ATXN1: variants seen among roughly 807,000 people sequenced by gnomAD.
ATXN1 encodes the protein ataxin-1.
In ATXN1, 8 loss-of-function variants were observed where a neutral mutation model predicts 56.4. The ratio of observed to expected loss-of-function variants is 0.14; its 90% CI spans 0.08 to 0.26. ATXN1 has a LOEUF of 0.26. Ranked by LOEUF, ATXN1 falls within the 10% of genes least tolerant of loss-of-function variation. ATXN1 has a pLI of 1.00. For synonymous variants in ATXN1, 514 were observed against 494.6 expected, an observed-to-expected ratio of 1.04 and a Z score of -0.52; for missense variants, 987 against 1,106.5, an observed-to-expected ratio of 0.89 and a Z score of 1.53.
chr6:16,427,885 C>T (rs984488460), intron 6 of ATXN1, among the ~76,000 whole-genome samples: 21 of 152,188 alleles, frequency 1.4e-4, no homozygotes, highest in African/African-American at 5.1e-4. Flanking sequence ...TGTTCTGAAA[C>T]ACTCTATAAA....
At chr6:16,604,392 T>C (rs1762964981) in intron 3 of ATXN1, among the ~76,000 whole-genome samples, 1 of 150,960 alleles carries the variant, frequency 6.6e-6, no homozygotes, top group African/African-American at 2.4e-5. Flanking sequence ...GCTACTCAAC[T>C]GACTGAGGTG....
intron 6 of ATXN1, among the ~76,000 whole-genome samples, chr6:16,448,826 C>A (rs551273902): frequency 1.3e-5 from 2 of 152,314 alleles, no homozygotes; most frequent in South Asian, 2.1e-4. Context: ...ATGTCCCTAG[C>A]AGAGATCAAG....
At chr6:16,687,536 G>A (rs187014512) in intron 2 of ATXN1, among the ~76,000 whole-genome samples, 2 of 151,896 alleles carry the variant, frequency 1.3e-5, no homozygotes, top group East Asian at 1.9e-4. Flanking sequence ...ACTTTAGAGA[G>A]ATTAAACTCA....
intron 4 of ATXN1, among the ~76,000 whole-genome samples, chr6:16,573,221 T>A (rs1200420845): frequency 1.3e-5 from 2 of 151,892 alleles, no homozygotes; most frequent in Non-Finnish European, 2.9e-5. Flanking sequence ...TCACCTAGAA[T>A]ACATTATTCC....
intron 5 of ATXN1, among the ~76,000 whole-genome samples, chr6:16,516,019 A>C (rs1450904414): frequency 2.0e-5 from 3 of 152,252 alleles, no homozygotes; most frequent in Admixed American, 1.3e-4. Flanking sequence ...ACTGTTAGAC[A>C]GTGATGTGTC....
chr6:16,492,129 T>C (rs1760677956), intron 5 of ATXN1, among the ~76,000 whole-genome samples: 1 of 152,090 alleles, frequency 6.6e-6, no homozygotes, highest in Non-Finnish European at 1.5e-5. Context: ...ACTTCGGACC[T>C]CCAACAGATA....
At chr6:16,621,966 T>G (rs2113801729) in intron 3 of ATXN1, among the ~76,000 whole-genome samples, 1 of 152,222 alleles carries the variant, frequency 6.6e-6, no homozygotes, top group African/African-American at 2.4e-5. Flanking sequence ...TTTTTAAAAA[T>G]CTGTAGAATA....
At chr6:16,699,540 A>G (rs974992788) in intron 2 of ATXN1, among the ~76,000 whole-genome samples, 5 of 152,138 alleles carry the variant, frequency 3.3e-5, no homozygotes, top group Non-Finnish European at 4.4e-5. Flanking sequence ...TCACAGCTTT[A>G]CCTTTGACTC....
chr6:16,584,474 T>G (rs1006170643), intron 4 of ATXN1, among the ~76,000 whole-genome samples: 1 of 151,950 alleles, frequency 6.6e-6, no homozygotes, highest in African/African-American at 2.4e-5. Flanking sequence ...CTAAAAATAC[T>G]TGGCCAGAAA....
intron 4 of ATXN1, among the ~76,000 whole-genome samples, chr6:16,581,285 A>T (rs1029602820): frequency 6.6e-6 from 1 of 151,262 alleles, no homozygotes; most frequent in African/African-American, 2.4e-5. Flanking sequence ...GTAGGGGATG[A>T]TATGGGCAAC....
At chr6:16,694,506 T>C (rs532069403) in intron 2 of ATXN1, among the ~76,000 whole-genome samples, 1 of 152,346 alleles carries the variant, frequency 6.6e-6, no homozygotes, top group Admixed American at 6.5e-5. Context: ...ATTATGTCTA[T>C]GTTAATGAGG....
intron 6 of ATXN1, among the ~76,000 whole-genome samples, chr6:16,373,040 C>T (rs983672841): frequency 9.9e-5 from 15 of 152,094 alleles, no homozygotes; most frequent in African/African-American, 3.4e-4. Context: ...ACATGTGATA[C>T]GAGGTTGAAC....
chr6:16,330,769 AG>A (rs1445885728), intron 6 of ATXN1, among the ~76,000 whole-genome samples: 1 of 152,212 alleles, frequency 6.6e-6, no homozygotes, highest in Non-Finnish European at 1.5e-5. Context: ...ATGATACAAC[AG>A]AAAGTTCTCA....
chr6:16,399,780 C>A (rs569294733), intron 6 of ATXN1, among the ~76,000 whole-genome samples: 28 of 152,304 alleles, frequency 1.8e-4, no homozygotes, highest in Non-Finnish European at 3.8e-4. Context: ...CCTCCACCCC[C>A]TCCATCTCCC....
intron 6 of ATXN1, among the ~76,000 whole-genome samples, chr6:16,470,591 A>G (rs572589048): frequency 4.8e-4 from 73 of 152,344 alleles, no homozygotes; most frequent in Middle Eastern, 3.4e-3. Context: ...TTATATGGAA[A>G]GTTATTGGAC....
chr6:16,496,257 G>T (rs1030221266), intron 5 of ATXN1, among the ~76,000 whole-genome samples: 5 of 152,160 alleles, frequency 3.3e-5, no homozygotes, highest in Admixed American at 6.5e-5. Context: ...GCTTAAAACT[G>T]GGATTTCAAT....
At chr6:16,649,407 T>G (rs965235750) in intron 3 of ATXN1, among the ~76,000 whole-genome samples, 1 of 152,188 alleles carries the variant, frequency 6.6e-6, no homozygotes, top group African/African-American at 2.4e-5. Flanking sequence ...ATACCAGATA[T>G]TCACAAAATG....
intron 5 of ATXN1, among the ~76,000 whole-genome samples, chr6:16,486,915 C>T (rs1212692901): frequency 6.6e-6 from 1 of 152,122 alleles, no homozygotes; most frequent in Non-Finnish European, 1.5e-5. Flanking sequence ...CTTACACCCA[C>T]CAGAGTGGCA....
intron 2 of ATXN1, among the ~76,000 whole-genome samples, chr6:16,748,576 T>C (rs757307816): frequency 1.3e-5 from 2 of 152,212 alleles, no homozygotes; most frequent in Admixed American, 6.5e-5. Flanking sequence ...AGGACTGTAA[T>C]GAGGATTCAA....
Sources: allele counts gnomAD v4.1 joint callset (sites outside exome capture counted in the v4.1 genomes callset), GRCh38; gene constraint gnomAD v4.1.1; transcripts MANE v1.5; gene names NCBI Gene and HGNC (gene_info 2026-07-23, HGNC 2026-07-21).